The following SQSTM1 variants were observed in gnomAD, a reference collection of about 807,000 sequenced individuals.
The protein encoded by SQSTM1 is sequestosome 1.
SQSTM1 carries 36 observed loss-of-function variants against 45.1 expected under a neutral mutation model. The ratio of observed to expected loss-of-function variants is 0.80; its 90% CI spans 0.61 to 1.05. The LOEUF (loss-of-function observed/expected upper bound fraction) is 1.05, where lower values mean the gene tolerates loss of function less well. Among genes scored for constraint, SQSTM1 ranks in the 50% least tolerant of loss-of-function variants. The pLI is 0.00. For missense variants in SQSTM1, 617 were observed against 607.1 expected, an observed-to-expected ratio of 1.02 and a Z score of -0.17; for synonymous variants, 290 against 244.3, an observed-to-expected ratio of 1.19 and a Z score of -1.74.
At chr5:179,811,992 G>T (rs1233728828) in intron 2 of SQSTM1, 1 of 152,158 alleles carries the variant, frequency 6.6e-6, no homozygotes, top group Non-Finnish European at 1.5e-5. Context: ...TTTTAGTAGA[G>T]ACGGGGTTTC....
chr5:179,835,194 T>TTTCCAGAC (rs1256466626), intron 7 of SQSTM1: 2 of 198,576 alleles, frequency 1.0e-5, no homozygotes, highest in African/African-American at 4.9e-5. Flanking sequence ...CGCTCCTCAC[T>TTTCCAGAC]TTCCAGACTG....
rs200551825 is a variant in SQSTM1, at chr5:179,836,448, G to A, written c.1178G>A (p.Arg393Gln). Residue 393 changes from arginine (R) to glutamine (Q), a missense_variant, in exon 8 of 8, where the codon CGG (arginine) becomes CAG (glutamine). Coordinates refer to ENST00000389805, the MANE Select transcript of SQSTM1 (RefSeq NM_003900.5). Reference protein sequence around the residue: ...YPHLPPEADPRLIESLSQMLS... With the variant: ...YPHLPPEADPQLIESLSQMLS... ...ACTGTTTCGGCAGAGGCTGACCCGCGGCTGATTGAGTCCCTCTCCCAGATG... is the reference window on the plus strand; with the variant it reads ...ACTGTTTCGGCAGAGGCTGACCCGCAGCTGATTGAGTCCCTCTCCCAGATG... The A allele has an allele frequency of 2.5e-5, 41 of 1,614,154 alleles. No homozygotes were observed. The highest frequency in any genetic ancestry group is 1.6e-4 in the African/African-American group (12 of 75,050).
chr5:179,832,075 G>A (rs1434592370), intron 5 of SQSTM1, among the ~76,000 whole-genome samples: 7 of 152,158 alleles, frequency 4.6e-5, no homozygotes, highest in Non-Finnish European at 7.4e-5. Context: ...GAGCCACTGC[G>A]CTCGGCCTAC....
chr5:179,809,481 T>C (rs138444893), intron 1 of SQSTM1, among the ~76,000 whole-genome samples: 1 of 150,630 alleles, frequency 6.6e-6, no homozygotes, highest in Non-Finnish European at 1.5e-5. Context: ...GGATTACAGG[T>C]GCACGGCACC....
chr5:179,831,919 G>A (rs1224822114), intron 5 of SQSTM1, among the ~76,000 whole-genome samples: 1 of 151,904 alleles, frequency 6.6e-6, no homozygotes, highest in Non-Finnish European at 1.5e-5. Context: ...GAGTAACTGA[G>A]ACTACAGGCG....
intron 5 of SQSTM1, among the ~76,000 whole-genome samples, chr5:179,827,487 T>C (rs1427454991): frequency 1.3e-5 from 2 of 152,132 alleles, no homozygotes; most frequent in Non-Finnish European, 2.9e-5. Flanking sequence ...GGTTTCACCT[T>C]GTTGGCCAGG....
chr5:179,836,028 C>T (rs1758536015), intron 7 of SQSTM1: 1 of 298,628 alleles, frequency 3.3e-6, no homozygotes, highest in Non-Finnish European at 6.5e-6. Flanking sequence ...TTCATTCTAC[C>T]TCCAAAATGT....
chr5:179,833,020 C>G lies in SQSTM1; in HGVS notation c.755-12C>G, dbSNP rs1043468451. 108 of 1,613,970 alleles carry G rather than the reference C, an allele frequency of 6.7e-5. 2 individuals carry two copies. In the Admixed American group the frequency reaches 1.8e-3, roughly 26 times the overall value. ...GAACTTCACGGCTTGCTCTTTCCTCCTCCGCCTCTAGGCATTGAAGTTGAT... is the reference window on the plus strand; with the variant it reads ...GAACTTCACGGCTTGCTCTTTCCTCGTCCGCCTCTAGGCATTGAAGTTGAT... On this transcript the variant is annotated splice_polypyrimidine_tract_variant and intron_variant, in intron 5 of 7. Coordinates refer to ENST00000389805, the MANE Select transcript of SQSTM1 (RefSeq NM_003900.5).
At chr5:179,811,330 C>T (rs1459091583) in intron 1 of SQSTM1, among the ~76,000 whole-genome samples, 1 of 121,784 alleles carries the variant, frequency 8.2e-6, no homozygotes. Context: ...AGGAGCTTTG[C>T]AGGGGGAGGA....
At chr5:179,821,421 G>C (rs867118120) in intron 1 of SQSTM1, 502 of 620,412 alleles carry the variant, frequency 8.1e-4, no homozygotes, top group Middle Eastern at 5.0e-3. Context: ...GGGGGCGTCA[G>C]ACGCCCCGCT....
At chr5:179,834,034 G>A (rs538536174) in intron 7 of SQSTM1, among the ~76,000 whole-genome samples, 3 of 152,042 alleles carry the variant, frequency 2.0e-5, no homozygotes, top group African/African-American at 7.2e-5. Flanking sequence ...TTAATTGTAG[G>A]AGTTTCTAAA....
At chr5:179,833,327 A>C (rs1159448401) in intron 6 of SQSTM1, 81 bp downstream of exon 6, 1 of 1,354,440 alleles carries the variant, frequency 7.4e-7, no homozygotes, top group Non-Finnish European at 1.0e-6. Context: ...CATCCTCAGC[A>C]CCTCTGCAGC....
At chr5:179,829,795 A>G (rs912809204) in intron 5 of SQSTM1, among the ~76,000 whole-genome samples, 7 of 152,204 alleles carry the variant, frequency 4.6e-5, no homozygotes, top group Non-Finnish European at 8.8e-5. Context: ...TGAACATAGA[A>G]TGCAAGATAG....
chr5:179,813,453 T>G (rs904526155), intron 2 of SQSTM1: 1 of 152,212 alleles, frequency 6.6e-6, no homozygotes, highest in Non-Finnish European at 1.5e-5. Flanking sequence ...GTTTTGACCT[T>G]TGAAGCTGTG....
At position 179,823,920 on chromosome 5, in the gene SQSTM1, G is replaced by A; in HGVS notation, c.364G>A (p.Val122Met). Residue 122 changes from valine (V) to methionine (M), a missense_variant, in exon 3 of 8, where the codon GTG (valine) becomes ATG (methionine). Coordinates refer to ENST00000389805, the MANE Select transcript of SQSTM1 (RefSeq NM_003900.5). The part of the protein sequence containing the change: ...PCAQEAPRNM[V>M]HPNVICDGCN... ...TGCTCAGGAGGCGCCCCGCAACATG[G>A]TGCACCCCAATGTGATCTGCGATGG... 1 of 1,613,792 alleles carries A rather than the reference G, an allele frequency of 6.2e-7. No homozygotes were observed. Among genetic ancestry groups the A allele is most frequent in the Non-Finnish European group, 8.5e-7 (1 of 1,180,026 alleles).
At chr5:179,827,780 G>A (rs1582013292) in intron 5 of SQSTM1, among the ~76,000 whole-genome samples, 1 of 152,232 alleles carries the variant, frequency 6.6e-6, no homozygotes, top group Admixed American at 6.5e-5. Flanking sequence ...TCTTTATGAG[G>A]AACTATAAGC....
intron 6 of SQSTM1, 81 bp from the exon 7 acceptor site, chr5:179,833,506 T>C (rs1582021966): frequency 2.7e-6 from 4 of 1,491,058 alleles, no homozygotes; most frequent in East Asian, 2.3e-5. Context: ...GCTCCCCGAC[T>C]GTCTGCCAGG....
At chr5:179,815,320 G>C (rs1757548589), upstream of SQSTM1, among the ~76,000 whole-genome samples, 1 of 152,106 alleles carries the variant, frequency 6.6e-6, no homozygotes, top group African/African-American at 2.4e-5. Flanking sequence ...GGGAGGCTGA[G>C]GCACAAGAAT....
intron 7 of SQSTM1, among the ~76,000 whole-genome samples, chr5:179,834,881 C>G (rs1462723821): frequency 6.6e-6 from 1 of 152,254 alleles, no homozygotes; most frequent in East Asian, 1.9e-4. Flanking sequence ...CACAAAGCCG[C>G]CATTGTCATC....
Sources: gnomAD v4.1 joint callset for allele counts (sites outside exome capture counted in the v4.1 genomes callset) on GRCh38, gnomAD v4.1.1 for gene constraint, MANE v1.5 for transcripts, NCBI Gene and HGNC (gene_info 2026-07-23, HGNC 2026-07-21) for gene names.